The following SESN1 variants were observed in gnomAD, a reference collection of about 807,000 sequenced individuals.
The protein encoded by SESN1 is sestrin 1.
Under a neutral mutation model 59.3 loss-of-function variants are expected in SESN1, and 30 were observed. That is an observed-to-expected ratio of 0.51 (90% CI 0.38 to 0.69). The LOEUF (loss-of-function observed/expected upper bound fraction) is 0.69, where lower values mean the gene tolerates loss of function less well. Among genes scored for constraint, SESN1 ranks in the 30% least tolerant of loss-of-function variants. The pLI, the probability that SESN1 is intolerant of heterozygous loss-of-function variation, is 0.00. For synonymous variants in SESN1, 197 were observed against 219.9 expected (o/e 0.90, Z 0.92); for missense variants, 566 against 673.0 (o/e 0.84, Z 1.76).
At chr6:108,997,722 GATAAT>G (rs1330828602) in intron 5 of SESN1, among the ~76,000 whole-genome samples, 7 of 152,120 alleles carry the variant, frequency 4.6e-5, no homozygotes, top group African/African-American at 1.7e-4. Context: ...ATTTCAAAGG[GATAAT>G]ATAACTCAGA....
chr6:108,992,064 T>A (rs184154015), intron 7 of SESN1, among the ~76,000 whole-genome samples: 106 of 152,284 alleles, frequency 7.0e-4, no homozygotes, highest in Middle Eastern at 6.8e-3. Flanking sequence ...ATAATTATTC[T>A]ATAACTCTTC....
chr6:109,059,096 T>TACACACACACAC (rs373238799), intron 1 of SESN1, among the ~76,000 whole-genome samples: 66 of 149,818 alleles, frequency 4.4e-4, no homozygotes, highest in African/African-American at 1.6e-3. Flanking sequence ...TATCACTTCA[T>TACACACACACAC]ACACACACAC....
Position 108,985,290 on chromosome 6 carries a change from T to G in SESN1, c.*2254A>C, listed in dbSNP as rs111353760. Reference sequence around the variant, plus strand: ...TTTTCCCAAATACGGCCAAAACAACTCAAGATTTTAACTCTTGAATCCTGG... The same window carrying G: ...TTTTCCCAAATACGGCCAAAACAACGCAAGATTTTAACTCTTGAATCCTGG... On this transcript the variant is annotated 3_prime_UTR_variant, in exon 10 of 10. Coordinates refer to ENST00000436639, the MANE Select transcript of SESN1 (RefSeq NM_014454.3). Among the ~76,000 whole-genome samples the G allele has an allele frequency of 0.1, 15,248 of 152,162 alleles. 902 individuals are homozygous for G. The highest frequency in any genetic ancestry group is 0.19 in the Middle Eastern group (55 of 292).
At chr6:108,997,527 A>G (rs1211592299) in intron 5 of SESN1, among the ~76,000 whole-genome samples, 1 of 152,162 alleles carries the variant, frequency 6.6e-6, no homozygotes, top group East Asian at 1.9e-4. Context: ...TGTAAATGCT[A>G]CCTCTTATTT....
intron 2 of SESN1, 22 bp downstream of exon 2, chr6:109,002,256 T>C (rs1779641439): frequency 1.2e-6 from 2 of 1,605,518 alleles, no homozygotes; most frequent in East Asian, 4.5e-5. Flanking sequence ...CAGTTCACTA[T>C]GTACTTTCAC....
intron 5 of SESN1, 39 bp from the exon 6 acceptor site, chr6:108,994,648 A>T: frequency 6.6e-7 from 1 of 1,513,906 alleles, no homozygotes; most frequent in Non-Finnish European, 9.0e-7. Context: ...TGTGGCAGAC[A>T]TAGAATATAT....
intron 1 of SESN1, among the ~76,000 whole-genome samples, chr6:109,038,654 G>T (rs1402110625): frequency 6.6e-6 from 1 of 152,232 alleles, no homozygotes; most frequent in Non-Finnish European, 1.5e-5. Flanking sequence ...TATGCTCTGA[G>T]TGGGATGTGG....
At chr6:109,021,442 C>G (rs1780008725) in intron 1 of SESN1, among the ~76,000 whole-genome samples, 1 of 152,024 alleles carries the variant, frequency 6.6e-6, no homozygotes, top group Non-Finnish European at 1.5e-5. Context: ...ATTTATCAGT[C>G]ATATCTTGCC....
intron 1 of SESN1, among the ~76,000 whole-genome samples, chr6:109,084,912 C>T (rs990409810): frequency 2.0e-5 from 3 of 151,904 alleles, no homozygotes; most frequent in South Asian, 2.1e-4. Context: ...AACTGTGAGT[C>T]TACTCGTAAT....
At chr6:108,995,652 A>C (rs1283102880) in intron 5 of SESN1, among the ~76,000 whole-genome samples, 2 of 152,196 alleles carry the variant, frequency 1.3e-5, no homozygotes, top group African/African-American at 4.8e-5. Context: ...CTAGTGGCTC[A>C]TGCCTGTAAT....
At chr6:109,068,674 T>C (rs1472871523) in intron 1 of SESN1, among the ~76,000 whole-genome samples, 3 of 150,380 alleles carry the variant, frequency 2.0e-5, no homozygotes, top group Non-Finnish European at 4.4e-5. Context: ...GACCCAAGCA[T>C]AGTGGGGAGA....
chr6:109,016,518 A>G (rs1327160562), intron 1 of SESN1, among the ~76,000 whole-genome samples: 1 of 152,200 alleles, frequency 6.6e-6, no homozygotes, highest in Non-Finnish European at 1.5e-5. Flanking sequence ...GCACAAGTAC[A>G]AGGCCAAATC....
In SESN1 at chr6:109,035,423, T is replaced by C. The variant is rs546776835; in HGVS notation, c.280-33080A>G. 2.0e-5 allele frequency among the ~76,000 whole-genome samples: 3 copies of C among 151,956 alleles called. No individual in the cohort carries two copies. In the East Asian group the frequency reaches 5.8e-4, roughly 29 times the overall value. On this transcript the variant is annotated intron_variant, in intron 1 of 9. Transcript: ENST00000436639. Reference sequence around the variant, plus strand: ...TATAGGATTGAAGTAAAAGACTGAGTATAAAAGGTCGGGAGAAAGCTGACA... The same window carrying C: ...TATAGGATTGAAGTAAAAGACTGAGCATAAAAGGTCGGGAGAAAGCTGACA...
intron 1 of SESN1, chr6:109,009,537 C>G (rs1384405502): frequency 8.7e-7 from 1 of 1,152,616 alleles, no homozygotes; most frequent in African/African-American, 1.8e-5. Flanking sequence ...GCTGCAGCGC[C>G]TCAGTCAGCA....
At chr6:109,093,155 TAAATA>T (rs1781359013) in intron 1 of SESN1, among the ~76,000 whole-genome samples, 1 of 152,208 alleles carries the variant, frequency 6.6e-6, no homozygotes, top group African/African-American at 2.4e-5. Context: ...ACTCGTATCT[TAAATA>T]GCTACACATG....
chr6:108,996,051 T>C (rs866509497), intron 5 of SESN1, among the ~76,000 whole-genome samples: 2 of 152,222 alleles, frequency 1.3e-5, no homozygotes, highest in Non-Finnish European at 2.9e-5. Context: ...TCGCATGATA[T>C]TGATTTAATG....
intron 1 of SESN1, among the ~76,000 whole-genome samples, chr6:109,037,623 T>C (rs2114407171): frequency 6.6e-6 from 1 of 152,314 alleles, no homozygotes; most frequent in East Asian, 1.9e-4. Flanking sequence ...ATTCTATAGA[T>C]GAAGAAATTG....
At chr6:109,080,856 G>A (rs1452618766) in intron 1 of SESN1, among the ~76,000 whole-genome samples, 1 of 152,026 alleles carries the variant, frequency 6.6e-6, no homozygotes, top group African/African-American at 2.4e-5. Context: ...GACACCCCAA[G>A]TAGAAAAATT....
chr6:109,033,681 A>G (rs567490364), intron 1 of SESN1, among the ~76,000 whole-genome samples: 1 of 152,332 alleles, frequency 6.6e-6, no homozygotes, highest in Admixed American at 6.5e-5. Context: ...GCCATAATTC[A>G]TAGGACAGTT....
Sources: gnomAD v4.1 joint callset for allele counts (sites outside exome capture counted in the v4.1 genomes callset) on GRCh38, gnomAD v4.1.1 for gene constraint, MANE v1.5 for transcripts, NCBI Gene and HGNC (gene_info 2026-07-23, HGNC 2026-07-21) for gene names.